Variants in C21orf58 observed in about 807,000 individuals in gnomAD.
C21orf58 encodes chromosome 21 open reading frame 58.
In C21orf58, 34 loss-of-function variants were observed where a neutral mutation model predicts 35.8. The ratio of observed to expected loss-of-function variants is 0.95; its 90% confidence interval spans 0.72 to 1.26. The LOEUF (loss-of-function observed/expected upper bound fraction) is 1.26. C21orf58 is among the 50% of genes most tolerant of loss of function. The probability of loss-of-function intolerance (pLI) is 0.00; values close to 1 mark genes in which losing one functional copy is unlikely to be tolerated. For synonymous variants in C21orf58, 191 were observed against 175.8 expected (o/e 1.09, Z -0.68); for missense variants, 440 against 414.3 (o/e 1.06, Z -0.54).
intron 6 of C21orf58, among the ~76,000 whole-genome samples, chr21:46,303,745 A>ATATAT (rs2082273893): frequency 2.1e-4 from 5 of 23,818 alleles, no homozygotes; most frequent in African/African-American, 3.3e-4. Context: ...ATATATATAT[A>ATATAT]TTTTTTTTTT....
chr21:46,302,245 G>A (rs2082137729), intron 7 of C21orf58, 91 bp from the exon 8 acceptor site: 4 of 1,432,866 alleles, frequency 2.8e-6, no homozygotes, highest in Non-Finnish European at 3.7e-6. Flanking sequence ...TGGATCCCAT[G>A]TGATAGGCAG....
At chr21:46,319,929 TA>T (rs1028580106) in intron 1 of C21orf58, among the ~76,000 whole-genome samples, 2 of 151,544 alleles carry the variant, frequency 1.3e-5, no homozygotes, top group African/African-American at 4.8e-5. Context: ...AAAAAATAAA[TA>T]AACAAGATAA....
chr21:46,310,257 G>A (rs1282588076), intron 6 of C21orf58, among the ~76,000 whole-genome samples: 21 of 151,180 alleles, frequency 1.4e-4, no homozygotes, highest in Admixed American at 1.4e-3. Context: ...CGGGTGGATT[G>A]CCTGAGGTCA....
intron 6 of C21orf58, among the ~76,000 whole-genome samples, chr21:46,303,287 C>T (rs2082209234): frequency 6.6e-6 from 1 of 152,012 alleles, no homozygotes; most frequent in African/African-American, 2.4e-5. Context: ...TGTAGTGAGC[C>T]ATGATCATGC....
chr21:46,321,668 C>T (rs1443513684), intron 1 of C21orf58, among the ~76,000 whole-genome samples: 1 of 152,200 alleles, frequency 6.6e-6, no homozygotes, highest in Non-Finnish European at 1.5e-5. Flanking sequence ...GTGCCACTGT[C>T]ACCCCATCAC....
chr21:46,311,946 CCCACCCAT>C, intron 5 of C21orf58, among the ~76,000 whole-genome samples: 2 of 140,668 alleles, frequency 1.4e-5, no homozygotes, highest in Non-Finnish European at 3.1e-5. Flanking sequence ...CAACCATCCA[CCCACCCAT>C]CCATCCACCC....
intron 7 of C21orf58, 126 bp from the exon 8 acceptor site, chr21:46,302,280 C>G (rs1261449832): frequency 1.4e-6 from 2 of 1,402,458 alleles, no homozygotes; most frequent in East Asian, 5.0e-5. Context: ...AGCATCCTCC[C>G]AGAGGAGGCT....
intron 4 of C21orf58, chr21:46,315,161 C>G: frequency 1.3e-6 from 1 of 761,642 alleles, no homozygotes; most frequent in Non-Finnish European, 2.1e-6. Context: ...TAGGTCTCCC[C>G]CTAGAAAAGC....
intron 5 of C21orf58, among the ~76,000 whole-genome samples, chr21:46,312,058 A>C (rs1175217277): frequency 7.8e-5 from 9 of 115,002 alleles, no homozygotes; most frequent in South Asian, 3.1e-4. Context: ...CAACCAACCA[A>C]CCACCCACCC....
rs761972596 is a variant in C21orf58 at position 46,315,459 on chromosome 21, G to A, written c.444+15C>T. On this transcript the variant is annotated intron_variant, in intron 4 of 7. Transcript: ENST00000291691. ...GTGAGCTCAGCCAGGTTCGCTCAGA[G>A]GGTGCAGGGCCTACCCGGAGTCTCT... 9.4e-5 allele frequency: 145 copies of A among 1,538,066 alleles called. No individual in the cohort carries two copies. Among genetic ancestry groups the A allele is most frequent in the Admixed American group, 1.5e-4 (9 of 59,908 alleles).
chr21:46,314,691 G>A (rs1309065125), intron 5 of C21orf58, 25 bp downstream of exon 5: 16 of 1,415,018 alleles, frequency 1.1e-5, no homozygotes, highest in Non-Finnish European at 1.2e-5. Context: ...ACTCTCAGAT[G>A]TGCTCCTCGA....
chr21:46,314,384 A>G (rs1209565509), intron 5 of C21orf58, among the ~76,000 whole-genome samples: 1 of 152,038 alleles, frequency 6.6e-6, no homozygotes, highest in Non-Finnish European at 1.5e-5. Flanking sequence ...GGCCAGTGAT[A>G]AAGTTCTGAG....
chr21:46,320,347 C>A (rs921406123), intron 1 of C21orf58, among the ~76,000 whole-genome samples: 3 of 151,830 alleles, frequency 2.0e-5, no homozygotes, highest in Non-Finnish European at 4.4e-5. Context: ...AAGTGATCTG[C>A]CGTCTTGGCC....
At chr21:46,315,183 C>T in intron 4 of C21orf58, 1 of 640,606 alleles carries the variant, frequency 1.6e-6, no homozygotes, top group South Asian at 2.0e-5. Flanking sequence ...GCCCCACCTC[C>T]CCTGCATCTC....
In C21orf58 at chr21:46,314,733, T is replaced by C. The variant is rs2146073723; in HGVS notation, c.592A>G (p.Arg198Gly). 1 of 1,480,218 alleles carries C rather than the reference T, an allele frequency of 6.8e-7. No individual in the cohort carries two copies. The highest frequency in any genetic ancestry group is 9.0e-7 in the Non-Finnish European group (1 of 1,108,062). 91.7% of individuals were successfully genotyped at this position (1,480,218 alleles called of 1,614,324 possible). A position where few individuals can be genotyped will look rare whatever the true frequency, so the allele number is the denominator to read the frequency against. ...CCTCTTACCGTAGGCAGGATGATCC[T>C]TGGCGGGTCTGGGGCCAGCGGGGAT... is the stretch of plus-strand genomic sequence containing the variant. ...SPSPLAPDPP[R>G]IILPTVPQPP... The change falls in exon 5 of 8, where the codon AGG (arginine) becomes GGG (glycine). Residue 198 changes from arginine (R) to glycine (G), a missense_variant. Physicochemically the swap from Arg to Gly is moderately radical, Grantham distance 125 (BLOSUM62 -2). Coordinates refer to ENST00000291691, the MANE Select transcript of C21orf58 (RefSeq NM_058180.5).
chr21:46,321,901 C>CTT (rs397867797), intron 1 of C21orf58, among the ~76,000 whole-genome samples: 16,753 of 118,946 alleles, frequency 0.14, 1,497 homozygotes, highest in Middle Eastern at 0.19. Context: ...ATCTGGGCAG[C>CTT]TTTTTTTTTT....
intron 5 of C21orf58, among the ~76,000 whole-genome samples, chr21:46,312,371 T>C (rs914935847): frequency 6.6e-6 from 1 of 152,008 alleles, no homozygotes; most frequent in Non-Finnish European, 1.5e-5. Context: ...CAGGCTGGAG[T>C]GCAATGGTAC....
intron 6 of C21orf58, among the ~76,000 whole-genome samples, chr21:46,307,847 A>G (rs1369080291): frequency 1.3e-5 from 2 of 152,184 alleles, no homozygotes; most frequent in African/African-American, 4.8e-5. Flanking sequence ...CAAAGCCACA[A>G]TCAACCACCA....
intron 6 of C21orf58, among the ~76,000 whole-genome samples, chr21:46,309,276 C>T (rs1430991174): frequency 6.6e-6 from 1 of 152,010 alleles, no homozygotes; most frequent in African/African-American, 2.4e-5. Flanking sequence ...GCCTGGTCAA[C>T]ATGGTGAAAC....
Sources: allele counts gnomAD v4.1 joint callset (sites outside exome capture counted in the v4.1 genomes callset), GRCh38; gene constraint gnomAD v4.1.1; transcripts MANE v1.5; gene names NCBI Gene and HGNC (gene_info 2026-07-23, HGNC 2026-07-21).